ZNF385C: variants seen among roughly 807,000 people sequenced by gnomAD.
The protein encoded by ZNF385C is zinc finger protein 385C, also known as CTD-2132N18.2.
ZNF385C carries 28 observed loss-of-function variants against 35.4 expected under a neutral mutation model. The observed-to-expected ratio is 0.79, with a 90% confidence interval of 0.59 to 1.08. ZNF385C has a LOEUF of 1.08. ZNF385C is among the 50% of genes least tolerant of loss of function. ZNF385C has a pLI of 0.00. For synonymous variants in ZNF385C, 248 were observed against 248.2 expected (o/e 1.00, Z 0.01); for missense variants, 605 against 595.6 (o/e 1.02, Z -0.16).
rs1174042988 is a variant in ZNF385C, at chr17:42,026,779, G to A, written c.*118C>T. ...AAACTAGCCCAGCTCTTTCTGGATCGGGCAGGACCCCTGAAGCTGTTCACA... is the reference window on the plus strand; with the variant it reads ...AAACTAGCCCAGCTCTTTCTGGATCAGGCAGGACCCCTGAAGCTGTTCACA... On this transcript the variant is annotated 3_prime_UTR_variant, in exon 9 of 9. Transcript: ENST00000692273. 8 of 1,006,460 alleles carry A rather than the reference G, an allele frequency of 7.9e-6. No individual in the cohort carries two copies. Among genetic ancestry groups the A allele is most frequent in the East Asian group, 2.6e-5 (1 of 38,516 alleles). 62.3% of individuals were successfully genotyped at this position (1,006,460 alleles called of 1,614,324 possible).
intron 2 of ZNF385C, among the ~76,000 whole-genome samples, chr17:42,053,300 G>C (rs915916119): frequency 3.3e-5 from 5 of 152,206 alleles, no homozygotes. Flanking sequence ...GCAACCGTCT[G>C]TGTGGAGAGG....
intron 1 of ZNF385C, among the ~76,000 whole-genome samples, chr17:42,079,625 T>A (rs1418449676): frequency 6.8e-6 from 1 of 148,110 alleles, no homozygotes; most frequent in Non-Finnish European, 1.5e-5. Context: ...ATTATTGTGA[T>A]ACTGCACTCC....
intron 5 of ZNF385C, among the ~76,000 whole-genome samples, chr17:42,029,435 C>G (rs957561144): frequency 1.3e-5 from 2 of 152,104 alleles, no homozygotes; most frequent in Non-Finnish European, 2.9e-5. Flanking sequence ...AACAATGGTG[C>G]GGGCTGGATA....
chr17:42,037,554 G>A (rs571899490), intron 3 of ZNF385C, among the ~76,000 whole-genome samples, 183 bp downstream of exon 3: 46 of 152,142 alleles, frequency 3.0e-4, no homozygotes, highest in Middle Eastern at 3.4e-3. Context: ...AAGAGAGAGC[G>A]GGTCCCTCTC....
At chr17:42,089,175 G>A (rs1555660309) in intron 1 of ZNF385C, among the ~76,000 whole-genome samples, 2 of 152,054 alleles carry the variant, frequency 1.3e-5, no homozygotes, top group Admixed American at 6.6e-5. Flanking sequence ...AATTAGCTGG[G>A]TGTGGTGGTG....
chr17:42,062,874 G>A lies in ZNF385C; in HGVS notation c.183C>T (p.His61=), dbSNP rs1555658116. 4 of 666,662 alleles carry A rather than the reference G, an allele frequency of 6.0e-6. No homozygotes were observed. Among genetic ancestry groups the A allele is most frequent in the South Asian group, 1.6e-5 (1 of 61,772 alleles). 41.3% of individuals were successfully genotyped at this position (666,662 alleles called of 1,614,324 possible). The change falls in exon 2 of 9, where the codon CAC becomes CAT. Residue 61 remains histidine, a synonymous_variant. Coordinates refer to ENST00000692273, the MANE Select transcript of ZNF385C (RefSeq NM_001392013.1). Reference sequence around the variant, plus strand: ...GCCTCTGGTGGGCCCGCCCCCCACAGTGCACCTGGGCCTGGGCCGCCGAGT... The same window carrying A: ...GCCTCTGGTGGGCCCGCCCCCCACAATGCACCTGGGCCTGGGCCGCCGAGT... The part of the protein sequence containing the change: ...QLNSAAQAQV[H]CGGRAHQRRL...
At chr17:42,060,825 C>T (rs925015755) in intron 2 of ZNF385C, among the ~76,000 whole-genome samples, 9 of 151,972 alleles carry the variant, frequency 5.9e-5, no homozygotes, top group African/African-American at 1.7e-4. Flanking sequence ...AAGCAATTCT[C>T]GTGCCTCAGC....
chr17:42,055,964 G>A (rs1475527232), intron 2 of ZNF385C, among the ~76,000 whole-genome samples: 14 of 152,224 alleles, frequency 9.2e-5, no homozygotes, highest in African/African-American at 3.1e-4. Context: ...GGGACATGTA[G>A]TGTAGCTGCA....
chr17:42,027,110 T>C lies in ZNF385C; in HGVS notation c.1299A>G (p.Gln433=). ...ILKSKLALQK[Q]LTKTLAARFL... ...AGCGGGCTGCCAACGTCTTGGTGAG[T>C]TGCTTCTGCAAGGCCAGTTTAGACT... The change falls in exon 9 of 9, where the codon CAA becomes CAG. Residue 433 remains glutamine, a synonymous_variant. Transcript: ENST00000692273. 1 of 1,612,930 alleles carries C rather than the reference T, an allele frequency of 6.2e-7. No individual in the cohort carries two copies. Among genetic ancestry groups the C allele is most frequent in the Non-Finnish European group, 8.5e-7 (1 of 1,179,672 alleles).
chr17:42,039,905 C>T (rs1555655912), intron 2 of ZNF385C: 5 of 1,231,262 alleles, frequency 4.1e-6, no homozygotes, highest in Non-Finnish European at 5.1e-6. Context: ...AGGCCAGCGC[C>T]CGCGGGCAGC....
In ZNF385C at chr17:42,028,373, C is replaced by T. The variant is rs1268815784; in HGVS notation, c.968-127G>A. On this transcript the variant is annotated intron_variant, in intron 6 of 8. Coordinates refer to ENST00000692273, the MANE Select transcript of ZNF385C (RefSeq NM_001392013.1). The stretch of plus-strand genomic sequence containing the variant: ...ACGGCTGCTCTGTGCACACATCGCC[C>T]TCCAGCCACACGTGGTTTCCCCTCC... The T allele has an allele frequency of 6.2e-6, 6 of 960,140 alleles. No individual in the cohort carries two copies. The East Asian group carries it at 1.7e-4, about 26-fold the overall frequency. 59.5% of individuals were successfully genotyped at this position (960,140 alleles called of 1,614,324 possible).
At chr17:42,031,192 T>C (rs1267863401) in intron 5 of ZNF385C, among the ~76,000 whole-genome samples, 1 of 151,994 alleles carries the variant, frequency 6.6e-6, no homozygotes, top group Non-Finnish European at 1.5e-5. Flanking sequence ...GTGTGCATCA[T>C]CATGCCTGGC....
chr17:42,043,348 C>G, intron 2 of ZNF385C: 1 of 1,232,248 alleles, frequency 8.1e-7, no homozygotes, highest in South Asian at 4.1e-5. Context: ...GGAGGCCTCT[C>G]CCGCTGGTTT....
intron 3 of ZNF385C, among the ~76,000 whole-genome samples, chr17:42,035,749 C>T (rs7218707): frequency 0.02 from 3,061 of 151,832 alleles, 103 homozygotes; most frequent in African/African-American, 0.071. Flanking sequence ...GACAGGGTTT[C>T]ACCATGTTGG....
chr17:42,053,800 C>A (rs2053326925), intron 2 of ZNF385C, among the ~76,000 whole-genome samples: 1 of 152,090 alleles, frequency 6.6e-6, no homozygotes, highest in African/African-American at 2.4e-5. Context: ...TCACCTAAGC[C>A]CTCTCCCCAC....
chr17:42,051,879 C>T (rs1233026585), intron 2 of ZNF385C, among the ~76,000 whole-genome samples: 1 of 152,112 alleles, frequency 6.6e-6, no homozygotes, highest in African/African-American at 2.4e-5. Flanking sequence ...CACTGTGAAC[C>T]CCAGCCCCAG....
In ZNF385C at chr17:42,026,973, A is replaced by C; in HGVS notation, c.1436T>G (p.Leu479Arg). The C allele has an allele frequency of 6.2e-7, 1 of 1,611,984 alleles. No homozygotes were observed. Among genetic ancestry groups the C allele is most frequent in the South Asian group, 1.1e-5 (1 of 90,898 alleles). Residue 479 changes from leucine (L) to arginine (R), a missense_variant, in exon 9 of 9, where the codon CTG (leucine) becomes CGG (arginine). Coordinates refer to ENST00000692273, the MANE Select transcript of ZNF385C (RefSeq NM_001392013.1). ...TGGGGTGCGAAACAGAGCTGGGCCC[A>C]GGATGGGAGCCGGGAAGAGGGTAGT... ...AATTLFPAPI[L>R]GPALFRTPAG...
chr17:42,077,152 A>G (rs2053695005), intron 1 of ZNF385C, among the ~76,000 whole-genome samples: 1 of 152,210 alleles, frequency 6.6e-6, no homozygotes, highest in South Asian at 2.1e-4. Context: ...TTGAGGAATG[A>G]ACCAACTCTC....
intron 7 of ZNF385C, 155 bp downstream of exon 7, chr17:42,027,895 C>T: frequency 2.5e-6 from 3 of 1,222,172 alleles, no homozygotes; most frequent in Admixed American, 2.3e-5. Context: ...GAGTCTTGGC[C>T]TTTGCCCTTA....
Sources: allele counts gnomAD v4.1 joint callset (sites outside exome capture counted in the v4.1 genomes callset), GRCh38; gene constraint gnomAD v4.1.1; transcripts MANE v1.5; gene names NCBI Gene and HGNC (gene_info 2026-07-23, HGNC 2026-07-21).